NRG1: variants seen among roughly 807,000 people sequenced by gnomAD.
NRG1 encodes the protein neuregulin 1.
A neutral mutation model predicts 63.8 loss-of-function variants in NRG1; 18 were observed. The ratio of observed to expected loss-of-function variants is 0.28; its 90% CI spans 0.19 to 0.42. NRG1 has a LOEUF of 0.42. Among genes scored for constraint, NRG1 ranks in the 10% least tolerant of loss-of-function variants. NRG1 has a pLI of 1.00. For synonymous variants in NRG1, 302 were observed against 301.3 expected (o/e 1.00, Z -0.02); for missense variants, 762 against 814.7 (o/e 0.94, Z 0.79).
intron 1 of NRG1, among the ~76,000 whole-genome samples, chr8:31,838,481 T>C (rs1394022916): frequency 6.6e-6 from 1 of 152,170 alleles, no homozygotes; most frequent in Non-Finnish European, 1.5e-5. Flanking sequence ...CAAAAACAAT[T>C]TCTGTTGGTA....
intron 1 of NRG1, among the ~76,000 whole-genome samples, chr8:32,136,170 A>T (rs1563827810): frequency 6.6e-6 from 1 of 152,218 alleles, no homozygotes; most frequent in Non-Finnish European, 1.5e-5. Flanking sequence ...GTTGCTGTTC[A>T]GGATAATGAA....
At chr8:31,743,487 A>G (rs1815510215) in intron 1 of NRG1, among the ~76,000 whole-genome samples, 1 of 151,994 alleles carries the variant, frequency 6.6e-6, no homozygotes, top group South Asian at 2.1e-4. Flanking sequence ...GGCTGAAATT[A>G]TGTGCACACT....
chr8:32,314,625 T>C (rs1038870177), intron 1 of NRG1, among the ~76,000 whole-genome samples: 5 of 152,330 alleles, frequency 3.3e-5, no homozygotes, highest in Middle Eastern at 3.4e-3. Context: ...AAGAGATTCA[T>C]TACTTCCTTG....
chr8:32,703,420 G>GT lies in NRG1; in HGVS notation c.503-24513dup, dbSNP rs68040856. On this transcript the variant is annotated intron_variant, in intron 5 of 11. Coordinates refer to ENST00000356819, the Ensembl canonical transcript of NRG1. Reference sequence around the variant, plus strand: ...ATTGTAGAGATATCTCACTAATGATGTTTTTTTTTTTTTTTTGAGATGGAG... The same window carrying GT: ...ATTGTAGAGATATCTCACTAATGATGTTTTTTTTTTTTTTTTTGAGATGGAG... Among the ~76,000 whole-genome samples, 1,264 of 127,200 alleles carry GT rather than the reference G, an allele frequency of 9.9e-3. 20 individuals carry two copies. Among genetic ancestry groups the GT allele is most frequent in the African/African-American group, 0.035 (1,196 of 34,532 alleles). 83.4% of individuals were successfully genotyped at this position (127,200 alleles called of 152,430 possible).
chr8:32,049,351 C>A (rs1376534798), intron 1 of NRG1, among the ~76,000 whole-genome samples: 1 of 152,090 alleles, frequency 6.6e-6, no homozygotes, highest in Non-Finnish European at 1.5e-5. Context: ...GTCCAGTCAC[C>A]TGAGTGTAAG....
At chr8:31,838,134 A>G (rs1015516366) in intron 1 of NRG1, among the ~76,000 whole-genome samples, 2 of 152,064 alleles carry the variant, frequency 1.3e-5, no homozygotes, top group African/African-American at 4.8e-5. Flanking sequence ...CCAGCATAAT[A>G]ACGATTTTAA....
At chr8:31,900,261 A>T (rs533085978) in intron 1 of NRG1, among the ~76,000 whole-genome samples, 26 of 152,314 alleles carry the variant, frequency 1.7e-4, no homozygotes, top group African/African-American at 5.8e-4. Flanking sequence ...TAGTGATAAG[A>T]TACTGGCGAC....
intron 1 of NRG1, among the ~76,000 whole-genome samples, chr8:32,223,473 A>T (rs1846027366): frequency 6.6e-6 from 1 of 152,162 alleles, no homozygotes; most frequent in African/African-American, 2.4e-5. Flanking sequence ...ACCTTGGGTA[A>T]GTCATTTAAC....
chr8:32,496,288 T>C (rs866619271), intron 1 of NRG1, among the ~76,000 whole-genome samples: 7 of 152,220 alleles, frequency 4.6e-5, no homozygotes, highest in African/African-American at 1.7e-4. Flanking sequence ...CTGAACATTT[T>C]ACAAATTGCT....
At chr8:31,840,862 G>T (rs1165130829) in intron 1 of NRG1, among the ~76,000 whole-genome samples, 2 of 152,108 alleles carry the variant, frequency 1.3e-5, no homozygotes, top group East Asian at 1.9e-4. Flanking sequence ...GTCATTAGGG[G>T]CATGCTTTCA....
intron 1 of NRG1, among the ~76,000 whole-genome samples, chr8:31,876,919 A>T (rs1829971120): frequency 6.6e-6 from 1 of 152,186 alleles, no homozygotes; most frequent in African/African-American, 2.4e-5. Context: ...ATACTTTCTT[A>T]AGTACACGCT....
chr8:31,754,984 T>G (rs1411783971), intron 1 of NRG1, among the ~76,000 whole-genome samples: 1 of 152,084 alleles, frequency 6.6e-6, no homozygotes, highest in Non-Finnish European at 1.5e-5. Flanking sequence ...AGTTCCTTAC[T>G]AGAGAGAGCA....
chr8:31,889,789 C>G (rs756994020), intron 1 of NRG1, among the ~76,000 whole-genome samples: 40 of 152,234 alleles, frequency 2.6e-4, no homozygotes, highest in Admixed American at 2.3e-3. Context: ...CAAGTGCAGC[C>G]CTCTGCCCTA....
chr8:31,895,740 C>T (rs2129614541), intron 1 of NRG1, among the ~76,000 whole-genome samples: 1 of 152,170 alleles, frequency 6.6e-6, no homozygotes, highest in East Asian at 1.9e-4. Context: ...AGTCCCTGAC[C>T]CTTGGATTGT....
chr8:32,024,663 C>T (rs1816970631), intron 1 of NRG1, among the ~76,000 whole-genome samples: 1 of 152,208 alleles, frequency 6.6e-6, no homozygotes, highest in Admixed American at 6.5e-5. Flanking sequence ...AAGCTGGAAT[C>T]AAAAATTCAG....
chr8:32,363,861 T>C (rs1434772252), intron 1 of NRG1, among the ~76,000 whole-genome samples: 1 of 152,142 alleles, frequency 6.6e-6, no homozygotes, highest in Non-Finnish European at 1.5e-5. Context: ...AGGAGTTATT[T>C]ACAAGGTGAA....
At chr8:32,157,358 C>CCCAA (rs1838220297) in intron 1 of NRG1, among the ~76,000 whole-genome samples, 1 of 58,620 alleles carries the variant, frequency 1.7e-5, no homozygotes, top group Admixed American at 2.1e-4. Flanking sequence ...GACTCTGTCT[C>CCCAA]AAAAAAAAAA....
chr8:31,800,854 TTTTTG>T (rs1821706761), intron 1 of NRG1, among the ~76,000 whole-genome samples: 1 of 143,324 alleles, frequency 7.0e-6, no homozygotes. Context: ...TTTTTTTTTT[TTTTTG>T]AGATGGAGTC....
At chr8:32,585,116 A>G (rs1841369829) in intron 1 of NRG1, among the ~76,000 whole-genome samples, 1 of 152,202 alleles carries the variant, frequency 6.6e-6, no homozygotes, top group South Asian at 2.1e-4. Context: ...ATAAGTAAAT[A>G]TATTTTTAAT....
Sources: allele counts gnomAD v4.1 joint callset (sites outside exome capture counted in the v4.1 genomes callset), GRCh38; gene constraint gnomAD v4.1.1; transcripts MANE v1.5; gene names NCBI Gene and HGNC (gene_info 2026-07-23, HGNC 2026-07-21).